The following CA9 variants were observed in gnomAD, a reference collection of about 807,000 sequenced individuals.
CA9 encodes CA-IX.
In CA9, 43 loss-of-function variants were observed where a neutral mutation model predicts 51.8. That is an observed-to-expected ratio of 0.83 (90% CI 0.65 to 1.07). CA9 has a LOEUF of 1.07. CA9 is among the 50% of genes least tolerant of loss of function. The pLI, the probability that CA9 is intolerant of heterozygous loss-of-function variation, is 0.00. For synonymous variants in CA9, 253 were observed against 244.2 expected, an observed-to-expected ratio of 1.04 and a Z score of -0.34; for missense variants, 574 against 581.4, an observed-to-expected ratio of 0.99 and a Z score of 0.13.
chr9:35,678,721 T>G (rs1435770798), intron 6 of CA9, among the ~76,000 whole-genome samples: 1 of 144,624 alleles, frequency 6.9e-6, no homozygotes. Context: ...TTTTTACATC[T>G]TTAGTAGAGA....
At position 35,676,167 on chromosome 9, in the gene CA9, C is replaced by A; in HGVS notation, c.708C>A (p.Gly236=). ...ACTGGGGGGCTGCAGGTCGTCCGGG[C>A]TCGGAGCACACTGTGGAAGGCCACC... ...HLHWGAAGRP[G]SEHTVEGHRF... Residue 236 remains glycine (G), a synonymous_variant, in exon 4 of 11, where the codon GGC becomes GGA. Coordinates refer to ENST00000378357, the MANE Select transcript of CA9 (RefSeq NM_001216.3). The A allele has an allele frequency of 6.2e-7, 1 of 1,612,218 alleles. No individual in the cohort carries two copies. The highest frequency in any genetic ancestry group is 8.5e-7 in the Non-Finnish European group (1 of 1,179,152).
chr9:35,675,860 GC>G lies in CA9; in HGVS notation c.538del (p.Leu180TrpfsTer25). On this transcript the variant is annotated frameshift_variant, in exon 3 of 11. Transcript: ENST00000378357. LOFTEE classifies it high-confidence loss of function. Reference sequence around the variant, plus strand: ...CTCGCCGCCTTCTGCCCGGCCCTGCGCCCCCTGGAACTCCTGGGCTTCCAGC... The same window carrying G: ...CTCGCCGCCTTCTGCCCGGCCCTGCGCCCCTGGAACTCCTGGGCTTCCAGC... ...PQLAAFCPALRPLELLGFQLP... is the reference protein window; with the variant it reads ...PQLAAFCPALXPLELLGFQLP... The G allele has an allele frequency of 1.2e-6, 2 of 1,605,356 alleles. No homozygotes were observed. Among genetic ancestry groups the G allele is most frequent in the Non-Finnish European group, 8.5e-7 (1 of 1,179,386 alleles).
Position 35,674,021 on chromosome 9 carries a change from T to A in CA9, c.62T>A (p.Leu21His). 1 of 1,614,116 alleles carries A rather than the reference T, an allele frequency of 6.2e-7. No individual in the cohort carries two copies. Among genetic ancestry groups the A allele is most frequent in the Non-Finnish European group, 8.5e-7 (1 of 1,179,978 alleles). The change falls in exon 1 of 11, where the codon CTC becomes CAC. Residue 21 changes from leucine to histidine, a missense_variant. Coordinates refer to ENST00000378357, the MANE Select transcript of CA9 (RefSeq NM_001216.3). ...TTGATCCCGGCCCCTGCTCCAGGCCTCACTGTGCAACTGCTGCTGTCACTG... is the reference window on the plus strand; with the variant it reads ...TTGATCCCGGCCCCTGCTCCAGGCCACACTGTGCAACTGCTGCTGTCACTG... Reference protein sequence around the residue: ...PLLIPAPAPGLTVQLLLSLLL... With the variant: ...PLLIPAPAPGHTVQLLLSLLL...
chr9:35,679,082 G>GT, intron 6 of CA9, 103 bp from the exon 7 acceptor site: 1 of 1,277,576 alleles, frequency 7.8e-7, no homozygotes, highest in Non-Finnish European at 1.1e-6. Context: ...TGGTCTCAGA[G>GT]TTGAGTTACC....
chr9:35,680,803 G>C lies in CA9; in HGVS notation c.1288G>C (p.Ala430Pro). 1.2e-6 allele frequency: 2 copies of C among 1,614,230 alleles called. No individual in the cohort carries two copies. Among genetic ancestry groups the C allele is most frequent in the South Asian group, 1.1e-5 (1 of 91,086 alleles). The change falls in exon 10 of 11, where the codon GCG becomes CCG. Residue 430 changes from alanine (A) to proline (P), a missense_variant. Physicochemically the swap from Ala to Pro is conservative, Grantham distance 27 (BLOSUM62 -1). Transcript: ENST00000378357. ...CCTCCTTTTTGCTGTCACCAGCGTC[G>C]CGTTCCTTGTGCAGATGAGAAGGCA... ...FGLLFAVTSV[A>P]FLVQMRRQHR...
At position 35,675,540 on chromosome 9, in the gene CA9, G is replaced by A. The variant is rs750000065; in HGVS notation, c.406G>A (p.Asp136Asn). The A allele has an allele frequency of 1.2e-6, 2 of 1,614,046 alleles. No homozygotes were observed. The highest frequency in any genetic ancestry group is 2.7e-5 in the African/African-American group (2 of 74,912). Residue 136 changes from aspartate (D) to asparagine (N), a missense_variant and splice_region_variant, in exon 2 of 11, where the codon GAT (aspartate) becomes AAT (asparagine). Physicochemically the swap from Asp to Asn is conservative, Grantham distance 23. Transcript: ENST00000378357. ...GTTCATCCTTTTCATTTATACAGGG[G>A]ATGACCAGAGTCATTGGCGCTATGG... ...QNNAHRDKEG[D>N]DQSHWRYGGD... is the part of the protein sequence containing the mutation.
Position 35,676,342 on chromosome 9 carries a change from G to C in CA9, c.793G>C (p.Ala265Pro). Residue 265 changes from alanine to proline, a missense_variant, in exon 5 of 11, where the codon GCC (alanine) becomes CCC (proline). Coordinates refer to ENST00000378357, the MANE Select transcript of CA9 (RefSeq NM_001216.3). ...LSTAFARVDE[A>P]LGRPGGLAVL... is the part of the protein sequence containing the mutation. ...CACCGCCTTTGCCAGAGTTGACGAG[G>C]CCTTGGGGCGCCCGGGAGGCCTGGC... 6.2e-7 allele frequency: 1 copy of C among 1,614,058 alleles called. No individual in the cohort carries two copies. Among genetic ancestry groups the C allele is most frequent in the Non-Finnish European group, 8.5e-7 (1 of 1,179,998 alleles).
chr9:35,680,200 A>G, intron 9 of CA9, 61 bp downstream of exon 9: 1 of 1,592,800 alleles, frequency 6.3e-7, no homozygotes, highest in Non-Finnish European at 8.6e-7. Flanking sequence ...ATTCAGCCCC[A>G]GGGCTGCTCA....
chr9:35,678,700 CTT>C (rs71800585), intron 6 of CA9, among the ~76,000 whole-genome samples: 8 of 131,948 alleles, frequency 6.1e-5, no homozygotes, highest in Non-Finnish European at 3.1e-5. Context: ...CTTTTCTTTT[CTT>C]TTTTTTTTTT....
At chr9:35,680,646 G>A in intron 9 of CA9, 107 bp from the exon 10 acceptor site, 2 of 857,902 alleles carry the variant, frequency 2.3e-6, no homozygotes, top group Non-Finnish European at 1.9e-6. Context: ...ACTAGGGGCT[G>A]CCTGAGAACT....
chr9:35,676,447 C>CTCTA (rs1824425296), intron 5 of CA9, 58 bp downstream of exon 5: 2 of 1,401,200 alleles, frequency 1.4e-6, no homozygotes, highest in Non-Finnish European at 2.0e-6. Context: ...TCCTCCCGGA[C>CTCTA]TCTATCGTGG....
chr9:35,679,076 C>A, intron 6 of CA9, 109 bp from the exon 7 acceptor site: 1 of 1,198,754 alleles, frequency 8.3e-7, no homozygotes, highest in Non-Finnish European at 1.2e-6. Context: ...AAGAAGTGGT[C>A]TCAGAGTTGA....
At chr9:35,676,466 AC>A in intron 5 of CA9, 77 bp downstream of exon 5, 1 of 1,207,342 alleles carries the variant, frequency 8.3e-7, no homozygotes, top group Non-Finnish European at 1.2e-6. Flanking sequence ...GGAGCCAGAG[AC>A]CCCATCCCAG....
At position 35,675,913 on chromosome 9, in the gene CA9, C is replaced by T. The variant is rs745812977; in HGVS notation, c.586C>T (p.Arg196Cys). The part of the protein sequence containing the change: ...QLPPLPELRL[R>C]NNGHSVQLTL... ...CCCGCCGCTCCCAGAACTGCGCCTGCGCAACAATGGCCACAGTGGTGAGGG... is the reference window on the plus strand; with the variant it reads ...CCCGCCGCTCCCAGAACTGCGCCTGTGCAACAATGGCCACAGTGGTGAGGG... Residue 196 changes from arginine (R) to cysteine (C), a missense_variant, in exon 3 of 11, where the codon CGC becomes TGC. By Grantham distance (180) the Arg-to-Cys change is radical. Coordinates refer to ENST00000378357, the MANE Select transcript of CA9 (RefSeq NM_001216.3). The T allele has an allele frequency of 1.2e-6, 2 of 1,607,910 alleles. No homozygotes were observed. Among genetic ancestry groups the T allele is most frequent in the East Asian group, 4.5e-5 (2 of 44,836 alleles).
At chr9:35,675,356 T>C (rs1824394748) in intron 1 of CA9, 182 bp from the exon 2 acceptor site, 3 of 649,656 alleles carry the variant, frequency 4.6e-6, no homozygotes, top group Admixed American at 5.1e-5. Context: ...GGATTGCTGT[T>C]TGGCCCACCC....
In CA9 at chr9:35,673,939, G is replaced by A; in HGVS notation, c.-21G>A. On this transcript the variant is annotated 5_prime_UTR_variant, in exon 1 of 11. Transcript: ENST00000378357. ...TACAGCCCGTACACACCGTGTGCTG[G>A]GACACCCCACAGTCAGCCGCATGGC... 6.4e-7 allele frequency: 1 copy of A among 1,573,680 alleles called. No homozygotes were observed. Among genetic ancestry groups the A allele is most frequent in the Non-Finnish European group, 8.6e-7 (1 of 1,159,392 alleles).
Position 35,680,821 on chromosome 9 carries a change from A to G in CA9, c.1306A>G (p.Arg436Gly). The part of the protein sequence containing the change: ...VTSVAFLVQM[R>G]RQHRRGTKGG... ...CAGCGTCGCGTTCCTTGTGCAGATG[A>G]GAAGGCAGCACAGGTATTACACTGA... is the stretch of plus-strand genomic sequence containing the variant. The change falls in exon 10 of 11, where the codon AGA (arginine) becomes GGA (glycine). Residue 436 changes from arginine to glycine, a missense_variant. Coordinates refer to ENST00000378357, the MANE Select transcript of CA9 (RefSeq NM_001216.3). The G allele has an allele frequency of 1.9e-6, 3 of 1,614,210 alleles. No homozygotes were observed. The highest frequency in any genetic ancestry group is 1.7e-6 in the Non-Finnish European group (2 of 1,180,004).
At position 35,675,769 on chromosome 9, in the gene CA9, C is replaced by T; in HGVS notation, c.442C>T (p.Pro148Ser). Residue 148 changes from proline (P) to serine (S), a missense_variant, in exon 3 of 11, where the codon CCC becomes TCC. Physicochemically the swap from Pro to Ser is moderately conservative, Grantham distance 74. Coordinates refer to ENST00000378357, the MANE Select transcript of CA9 (RefSeq NM_001216.3). ...ATACTCTCCCACCCCAGGCGACCCG[C>T]CCTGGCCCCGGGTGTCCCCAGCCTG... ...QSHWRYGGDP[P>S]WPRVSPACAG... 6.2e-7 allele frequency: 1 copy of T among 1,602,134 alleles called. No individual in the cohort carries two copies. The highest frequency in any genetic ancestry group is 8.5e-7 in the Non-Finnish European group (1 of 1,178,560).
Position 35,679,243 on chromosome 9 carries a change from C to G in CA9, c.966C>G (p.Ser322Arg), listed in dbSNP as rs1381451212. 3.1e-6 allele frequency: 5 copies of G among 1,614,058 alleles called. No individual in the cohort carries two copies. The African/African-American group carries it at 6.7e-5, about 22-fold the overall frequency. The change falls in exon 7 of 11, where the codon AGC (serine) becomes AGG (arginine). Residue 322 changes from serine to arginine, a missense_variant. By Grantham distance (110) the Ser-to-Arg change is moderately radical. Coordinates refer to ENST00000378357, the MANE Select transcript of CA9 (RefSeq NM_001216.3). ...CTGCACTCCTGCCCTCTGACTTCAG[C>G]CGCTACTTCCAATATGAGGGGTCTC... ...DISALLPSDF[S>R]RYFQYEGSLT...
Sources: allele counts gnomAD v4.1 joint callset (sites outside exome capture counted in the v4.1 genomes callset), GRCh38; gene constraint gnomAD v4.1.1; transcripts MANE v1.5; gene names NCBI Gene and HGNC (gene_info 2026-07-23, HGNC 2026-07-21).